CFAP299: variants seen among roughly 807,000 people sequenced by gnomAD.
CFAP299 encodes cilia and flagella associated protein 299.
In CFAP299, 21 loss-of-function variants were observed where a neutral mutation model predicts 27.0. The observed-to-expected ratio is 0.78, with a 90% CI of 0.55 to 1.12. CFAP299 has a LOEUF of 1.12. Ranked by LOEUF, CFAP299 falls within the 50% of genes most tolerant of loss-of-function variation. CFAP299 has a pLI of 0.00. For missense variants in CFAP299, 310 were observed against 276.6 expected (o/e 1.12, Z -0.86); for synonymous variants, 104 against 98.1 (o/e 1.06, Z -0.36).
At chr4:80,681,569 C>A (rs1005678279) in intron 3 of CFAP299, among the ~76,000 whole-genome samples, 17 of 152,108 alleles carry the variant, frequency 1.1e-4, no homozygotes, top group African/African-American at 3.9e-4. Context: ...CTACCCACTT[C>A]TTTAGTTGCC....
At chr4:80,529,505 A>G (rs1334841512) in intron 2 of CFAP299, among the ~76,000 whole-genome samples, 3 of 152,144 alleles carry the variant, frequency 2.0e-5, no homozygotes, top group Non-Finnish European at 4.4e-5. Flanking sequence ...AGTTTAGCTC[A>G]TTTATGGTAA....
intron 4 of CFAP299, among the ~76,000 whole-genome samples, chr4:80,904,558 G>C (rs370412268): frequency 6.6e-6 from 1 of 150,982 alleles, no homozygotes; most frequent in East Asian, 1.9e-4. Flanking sequence ...CTTGGGACTT[G>C]ACTTTTTTCT....
intron 4 of CFAP299, among the ~76,000 whole-genome samples, chr4:80,936,575 G>A (rs544788654): frequency 2.0e-5 from 3 of 152,128 alleles, no homozygotes; most frequent in Admixed American, 2.0e-4. Context: ...TTATAATTTG[G>A]AGCTAAATGA....
At chr4:80,854,230 A>G (rs1218276813) in intron 3 of CFAP299, among the ~76,000 whole-genome samples, 2 of 152,182 alleles carry the variant, frequency 1.3e-5, no homozygotes, top group African/African-American at 4.8e-5. Context: ...AAATTTTTTA[A>G]AAATCAAAAT....
rs184793278 is a variant in CFAP299 at position 80,599,620 on chromosome 4, T to G, written c.333+16437T>G. 1.8e-4 allele frequency among the ~76,000 whole-genome samples: 28 copies of G among 152,242 alleles called. No homozygotes were observed. The East Asian group carries it at 4.8e-3, about 26-fold the overall frequency. ...CTTCAAAATTGCAGAGGTATTGAAT[T>G]TAAGGACCCATATTAACAATGAGTA... On this transcript the variant is annotated intron_variant, in intron 3 of 5. Coordinates refer to ENST00000358105, the MANE Select transcript of CFAP299 (RefSeq NM_152770.3).
chr4:80,591,105 ATTTTTTTTT>A (rs70944795), intron 3 of CFAP299, among the ~76,000 whole-genome samples: 2 of 126,862 alleles, frequency 1.6e-5, no homozygotes, highest in East Asian at 4.7e-4. Context: ...ACTTTAGGAA[ATTTTTTTTT>A]TTTTTTTTTT....
chr4:80,730,373 T>G (rs1723448719), intron 3 of CFAP299, among the ~76,000 whole-genome samples: 1 of 150,834 alleles, frequency 6.6e-6, no homozygotes, highest in Admixed American at 6.6e-5. Context: ...CTCTTACACT[T>G]CCACATTGTG....
chr4:80,378,085 C>T (rs985504822), intron 2 of CFAP299, among the ~76,000 whole-genome samples: 10 of 152,128 alleles, frequency 6.6e-5, no homozygotes, highest in Non-Finnish European at 1.5e-4. Flanking sequence ...CTGGGAGATA[C>T]AATTAAAGTT....
chr4:80,349,893 G>C lies in CFAP299; in HGVS notation c.112-12861G>C, dbSNP rs141698683. Among the ~76,000 whole-genome samples the C allele has an allele frequency of 6.2e-3, 947 of 152,206 alleles. 2 individuals are homozygous for C. Among genetic ancestry groups the C allele is most frequent in the Middle Eastern group, 0.024 (7 of 294 alleles). Reference sequence around the variant, plus strand: ...TAGCAGTGCAGTGCTGCAATTTAAGGAAAGTGTCATAAATATTTGAAAAGA... The same window carrying C: ...TAGCAGTGCAGTGCTGCAATTTAAGCAAAGTGTCATAAATATTTGAAAAGA... On this transcript the variant is annotated intron_variant, in intron 1 of 5. Transcript: ENST00000358105.
intron 4 of CFAP299, among the ~76,000 whole-genome samples, chr4:80,918,475 C>T (rs1032194303): frequency 3.3e-5 from 5 of 151,902 alleles, no homozygotes; most frequent in East Asian, 1.9e-4. Flanking sequence ...TGTGTTTTCC[C>T]GACAATGTTC....
intron 2 of CFAP299, among the ~76,000 whole-genome samples, chr4:80,528,092 AG>A (rs1413443533): frequency 2.0e-5 from 3 of 152,092 alleles, no homozygotes; most frequent in Non-Finnish European, 4.4e-5. Context: ...ATTGATTTCT[AG>A]TACAGTTGTA....
intron 2 of CFAP299, among the ~76,000 whole-genome samples, chr4:80,542,371 A>G (rs1374466942): frequency 1.3e-5 from 2 of 152,174 alleles, no homozygotes. Flanking sequence ...TCCTACTGAG[A>G]CAGACCAGAA....
At chr4:80,378,847 G>T (rs1431330563) in intron 2 of CFAP299, among the ~76,000 whole-genome samples, 2 of 151,920 alleles carry the variant, frequency 1.3e-5, no homozygotes, top group Non-Finnish European at 2.9e-5. Flanking sequence ...ACTTAATTAA[G>T]TAATTAATTA....
chr4:80,665,475 G>T (rs1016455987), intron 3 of CFAP299, among the ~76,000 whole-genome samples: 5 of 151,660 alleles, frequency 3.3e-5, no homozygotes, highest in Admixed American at 6.6e-5. Context: ...TCTTCTCTGT[G>T]TCCAGCTGTA....
At chr4:80,826,182 A>G (rs1729974844) in intron 3 of CFAP299, among the ~76,000 whole-genome samples, 1 of 151,848 alleles carries the variant, frequency 6.6e-6, no homozygotes. Flanking sequence ...AATATATCAA[A>G]TGTAATCAAT....
chr4:80,651,265 TTC>T (rs752223444), intron 3 of CFAP299, among the ~76,000 whole-genome samples: 3 of 144,878 alleles, frequency 2.1e-5, no homozygotes, highest in Non-Finnish European at 3.0e-5. Flanking sequence ...CTTCCTTTCT[TTC>T]TCTTTCTCTC....
At chr4:80,919,839 A>T (rs7679448) in intron 4 of CFAP299, among the ~76,000 whole-genome samples, 10,191 of 152,166 alleles carry the variant, frequency 0.067, 720 homozygotes, top group African/African-American at 0.16. Context: ...TCATGTGTCA[A>T]AAGTCAGATA....
chr4:80,497,307 A>G (rs891906086), intron 2 of CFAP299, among the ~76,000 whole-genome samples: 1 of 152,194 alleles, frequency 6.6e-6, no homozygotes, highest in Non-Finnish European at 1.5e-5. Context: ...TCTCAAAGTA[A>G]TAGTGTAATT....
intron 2 of CFAP299, among the ~76,000 whole-genome samples, chr4:80,551,100 T>C (rs1734490305): frequency 6.6e-6 from 1 of 152,186 alleles, no homozygotes; most frequent in African/African-American, 2.4e-5. Flanking sequence ...CTGATAACCA[T>C]GAAAACTGTT....
Sources: gnomAD v4.1 joint callset for allele counts (sites outside exome capture counted in the v4.1 genomes callset) on GRCh38, gnomAD v4.1.1 for gene constraint, MANE v1.5 for transcripts, NCBI Gene and HGNC (gene_info 2026-07-23, HGNC 2026-07-21) for gene names.